ZNF83: variants seen among roughly 807,000 people sequenced by gnomAD.
The protein encoded by ZNF83 is zinc finger protein 83.
For synonymous variants in ZNF83, 209 were observed against 213.0 expected, an observed-to-expected ratio of 0.98 and a Z score of 0.17; for missense variants, 552 against 629.9, an observed-to-expected ratio of 0.88 and a Z score of 1.32.
At chr19:52,621,551 G>A (rs956350145) in intron 2 of ZNF83, among the ~76,000 whole-genome samples, 33 of 149,432 alleles carry the variant, frequency 2.2e-4, no homozygotes, top group African/African-American at 8.2e-4. Context: ...CACCTTGGTG[G>A]CAAGTACCAT....
chr19:52,658,514 G>A (rs1003663142), intron 2 of ZNF83, among the ~76,000 whole-genome samples: 3 of 152,186 alleles, frequency 2.0e-5, no homozygotes, highest in East Asian at 1.9e-4. Context: ...GGAGTAAGCC[G>A]AGATTGCACC....
chr19:52,677,877 T>C (rs528247580), intron 1 of ZNF83, among the ~76,000 whole-genome samples: 2 of 151,438 alleles, frequency 1.3e-5, no homozygotes, highest in South Asian at 4.2e-4. Context: ...ACTAAAAAAA[T>C]ACAAAACATT....
intron 2 of ZNF83, among the ~76,000 whole-genome samples, chr19:52,629,583 C>G (rs548916995): frequency 3.3e-5 from 5 of 152,280 alleles, no homozygotes; most frequent in Admixed American, 6.5e-5. Flanking sequence ...AGCCCTCCCC[C>G]ACCTGCCCAG....
At chr19:52,653,361 A>G in intron 3 of ZNF83, 6 of 1,154,324 alleles carry the variant, frequency 5.2e-6, no homozygotes, top group Non-Finnish European at 7.6e-6. Context: ...CAAGGTATGA[A>G]TCACGCTGGA....
At chr19:52,662,104 C>T (rs73586191) in intron 1 of ZNF83, among the ~76,000 whole-genome samples, 3,563 of 152,302 alleles carry the variant, frequency 0.023, 134 homozygotes, top group African/African-American at 0.076. Context: ...TTCTCCCACA[C>T]TTCAAAAGAA....
intron 2 of ZNF83, among the ~76,000 whole-genome samples, chr19:52,625,134 G>A (rs1235188602): frequency 6.6e-6 from 1 of 152,032 alleles, no homozygotes; most frequent in Non-Finnish European, 1.5e-5. Context: ...GGCAGGCTAT[G>A]CTATAGTATC....
intron 1 of ZNF83, among the ~76,000 whole-genome samples, chr19:52,663,013 A>C (rs1409025493): frequency 6.6e-6 from 1 of 152,028 alleles, no homozygotes; most frequent in Non-Finnish European, 1.5e-5. Context: ...AAGTACAAAA[A>C]ATAGCCAGGC....
intron 1 of ZNF83, among the ~76,000 whole-genome samples, chr19:52,680,688 CTG>C: frequency 7.2e-6 from 1 of 138,198 alleles, no homozygotes; most frequent in Non-Finnish European, 1.5e-5. Context: ...TCTCGGCTCA[CTG>C]CAAGCTCCGC....
intron 1 of ZNF83, 45 bp from the exon 2 acceptor site, chr19:52,635,198 C>T (rs2061106748): frequency 1.8e-6 from 1 of 566,296 alleles, no homozygotes; most frequent in Non-Finnish European, 3.1e-6. Context: ...ATCAATACAC[C>T]CCATTCCTGT....
At chr19:52,675,129 A>G (rs908785575) in intron 1 of ZNF83, among the ~76,000 whole-genome samples, 2 of 152,232 alleles carry the variant, frequency 1.3e-5, no homozygotes, top group African/African-American at 4.8e-5. Flanking sequence ...AAGGAAGTTC[A>G]GAATCTGTAC....
chr19:52,685,808 G>A (rs1285931729), intron 1 of ZNF83, among the ~76,000 whole-genome samples: 1 of 148,914 alleles, frequency 6.7e-6, no homozygotes, highest in Non-Finnish European at 1.5e-5. Flanking sequence ...TGAAGCAGGA[G>A]AATCACTTAA....
intron 1 of ZNF83, among the ~76,000 whole-genome samples, chr19:52,670,908 AGATG>A: frequency 6.6e-6 from 1 of 152,236 alleles, no homozygotes; most frequent in Non-Finnish European, 1.5e-5. Flanking sequence ...TTAAGATAAA[AGATG>A]TTGGAGACCA....
At chr19:52,613,384 ATT>A in exon 3 of ZNF83, 1 of 1,613,676 alleles carries the variant, frequency 6.2e-7, no homozygotes, top group Non-Finnish European at 8.5e-7. Context: ...TCCAGTATGG[ATT>A]CTGTGATGTT....
chr19:52,677,306 T>TAAAAAA (rs67835464), intron 1 of ZNF83, among the ~76,000 whole-genome samples: 6 of 106,462 alleles, frequency 5.6e-5, no homozygotes, highest in Non-Finnish European at 9.8e-5. Flanking sequence ...AATTGAGAAG[T>TAAAAAA]AAAAAAAAAA....
intron 1 of ZNF83, among the ~76,000 whole-genome samples, chr19:52,668,950 T>C (rs1156405136): frequency 4.6e-5 from 7 of 152,166 alleles, no homozygotes; most frequent in African/African-American, 1.7e-4. Context: ...CCATCCAGCT[T>C]CCAACTCCCA....
chr19:52,614,415 A>C (rs1721340990), exon 3 of ZNF83: 1 of 1,613,500 alleles, frequency 6.2e-7, no homozygotes, highest in Non-Finnish European at 8.5e-7. Context: ...AAACTAAGGA[A>C]CTACTGTTGA....
chr19:52,621,172 C>T (rs2060528689), intron 2 of ZNF83, among the ~76,000 whole-genome samples: 1 of 152,194 alleles, frequency 6.6e-6, no homozygotes, highest in South Asian at 2.1e-4. Flanking sequence ...TCCTGATCTC[C>T]ATGAGGAGCT....
At chr19:52,688,743 A>G (rs1339786729) in intron 1 of ZNF83, among the ~76,000 whole-genome samples, 2 of 152,148 alleles carry the variant, frequency 1.3e-5, no homozygotes, top group Non-Finnish European at 2.9e-5. Flanking sequence ...TTTAAAAATA[A>G]TAAGTACTGC....
chr19:52,689,527 G>T (rs1436355191), intron 1 of ZNF83, among the ~76,000 whole-genome samples: 27 of 151,698 alleles, frequency 1.8e-4, no homozygotes, highest in African/African-American at 5.8e-4. Flanking sequence ...TCACCCTGAT[G>T]AGCCTCCCTC....
Sources: gnomAD v4.1 joint callset for allele counts (sites outside exome capture counted in the v4.1 genomes callset) on GRCh38, gnomAD v4.1.1 for gene constraint, MANE v1.5 for transcripts, NCBI Gene and HGNC (gene_info 2026-07-23, HGNC 2026-07-21) for gene names.